Variants in CSNK1G1 observed in about 807,000 individuals in gnomAD.
CSNK1G1 encodes casein kinase 1 gamma 1, also known as casein kinase I isoform gamma-1.
In CSNK1G1, 22 loss-of-function variants were observed where a neutral mutation model predicts 59.6. That is an observed-to-expected ratio of 0.37 (90% confidence interval 0.26 to 0.53). The LOEUF is 0.53. CSNK1G1 is among the 20% of genes least tolerant of loss of function. The pLI is 0.89. For synonymous variants in CSNK1G1, 179 were observed against 177.1 expected, an observed-to-expected ratio of 1.01 and a Z score of -0.08; for missense variants, 384 against 519.5, an observed-to-expected ratio of 0.74 and a Z score of 2.54.
chr15:64,341,397 C>T (rs1897674374), intron 1 of CSNK1G1, among the ~76,000 whole-genome samples: 2 of 151,894 alleles, frequency 1.3e-5, no homozygotes, highest in African/African-American at 4.9e-5. Context: ...CTTGGCCTCC[C>T]AAAGTGCTGG....
chr15:64,173,619 C>CTTTTTTTTTTTTT (rs928192194), intron 11 of CSNK1G1, among the ~76,000 whole-genome samples: 17 of 108,536 alleles, frequency 1.6e-4, no homozygotes, highest in South Asian at 3.0e-4. Context: ...CTTTTCTTTT[C>CTTTTTTTTTTTTT]TTTTTTTTTT....
intron 1 of CSNK1G1, among the ~76,000 whole-genome samples, chr15:64,336,365 A>C (rs990522469): frequency 6.6e-6 from 1 of 152,164 alleles, no homozygotes; most frequent in Admixed American, 6.5e-5. Context: ...TTCCTTTCTT[A>C]TTTGTTTTAA....
At chr15:64,332,212 G>A (rs2140459106) in intron 1 of CSNK1G1, among the ~76,000 whole-genome samples, 1 of 103,936 alleles carries the variant, frequency 9.6e-6, no homozygotes, top group African/African-American at 3.6e-5. Flanking sequence ...CTGCTATAAA[G>A]ACACATGCAC....
At chr15:64,342,208 T>G (rs922923469) in intron 1 of CSNK1G1, among the ~76,000 whole-genome samples, 1 of 152,206 alleles carries the variant, frequency 6.6e-6, no homozygotes, top group Non-Finnish European at 1.5e-5. Context: ...TTCTTGAGCT[T>G]GACATCCTGG....
chr15:64,230,192 T>G (rs1243071155), intron 4 of CSNK1G1, among the ~76,000 whole-genome samples: 3 of 152,034 alleles, frequency 2.0e-5, no homozygotes, highest in Non-Finnish European at 4.4e-5. Context: ...TGAGCCACCA[T>G]GCCCTGCCCG....
chr15:64,300,303 A>C lies in CSNK1G1; in HGVS notation c.181+16T>G, dbSNP rs1566938740. 1.9e-6 allele frequency: 3 copies of C among 1,612,504 alleles called. No individual in the cohort carries two copies. The highest frequency in any genetic ancestry group is 2.5e-6 in the Non-Finnish European group (3 of 1,178,794). On this transcript the variant is annotated intron_variant, in intron 2 of 11. Coordinates refer to ENST00000303052, the MANE Select transcript of CSNK1G1 (RefSeq NM_022048.5). ...ATTGTTGTTAGTAGAAGTCACTGACATAACCAAGTGCTTACCTAATCTGAG... is the reference window on the plus strand; with the variant it reads ...ATTGTTGTTAGTAGAAGTCACTGACCTAACCAAGTGCTTACCTAATCTGAG...
intron 10 of CSNK1G1, among the ~76,000 whole-genome samples, chr15:64,194,517 C>CTTTTTTT (rs374224209): frequency 2.3e-5 from 3 of 128,326 alleles, no homozygotes; most frequent in African/African-American, 6.0e-5. Flanking sequence ...CTTTTCTTTT[C>CTTTTTTT]TTTTTTTTTT....
chr15:64,227,871 T>C (rs2082483222), intron 4 of CSNK1G1, among the ~76,000 whole-genome samples: 1 of 152,204 alleles, frequency 6.6e-6, no homozygotes, highest in African/African-American at 2.4e-5. Flanking sequence ...GCTGCCTACA[T>C]TCTCTTACTC....
chr15:64,190,910 CTT>C (rs1457739896), intron 10 of CSNK1G1, among the ~76,000 whole-genome samples: 2 of 152,018 alleles, frequency 1.3e-5, no homozygotes, highest in Non-Finnish European at 2.9e-5. Flanking sequence ...TATTTAAGCT[CTT>C]AAACTATTAT....
At chr15:64,215,247 C>T (rs1230392915) in intron 5 of CSNK1G1, among the ~76,000 whole-genome samples, 1 of 107,426 alleles carries the variant, frequency 9.3e-6, no homozygotes, top group African/African-American at 3.7e-5. Flanking sequence ...GAGTCTTGCT[C>T]TGTCGCCCAG....
In CSNK1G1 at chr15:64,169,879, C is replaced by T. The variant is rs527616657; in HGVS notation, c.*2052G>A. On this transcript the variant is annotated 3_prime_UTR_variant, in exon 12 of 12. Transcript: ENST00000303052. Reference sequence around the variant, plus strand: ...CAATGGAACAGATGAAGCCCAGTACCTCTGATCCATGTTAATGTTATTTCT... The same window carrying T: ...CAATGGAACAGATGAAGCCCAGTACTTCTGATCCATGTTAATGTTATTTCT... The T allele has an allele frequency of 6.6e-6, 1 of 152,292 alleles. No individual in the cohort carries two copies. The highest frequency in any genetic ancestry group is 1.9e-4 in the East Asian group (1 of 5,184). 9.4% of individuals were successfully genotyped at this position (152,292 alleles called of 1,614,324 possible).
intron 1 of CSNK1G1, among the ~76,000 whole-genome samples, chr15:64,352,849 G>A (rs1390552645): frequency 6.6e-6 from 1 of 151,960 alleles, no homozygotes; most frequent in Non-Finnish European, 1.5e-5. Flanking sequence ...AGCACTTTGG[G>A]AGGCCAAAGC....
rs535942664 is a variant in CSNK1G1, at chr15:64,314,834, A to G, written c.-224-14111T>C. ...ATTCCTTCTTTAAGGCTGAATATGT[A>G]TATGTGTGTGCGTGTGTGTGTACAT... On this transcript the variant is annotated intron_variant, in intron 1 of 11. Coordinates refer to ENST00000303052, the MANE Select transcript of CSNK1G1 (RefSeq NM_022048.5). Among the ~76,000 whole-genome samples, 267 of 152,282 alleles carry G rather than the reference A, an allele frequency of 1.8e-3. 1 individual carries two copies. Among genetic ancestry groups the G allele is most frequent in the Non-Finnish European group, 3.0e-3 (207 of 68,024 alleles).
chr15:64,303,722 C>T (rs1333594520), intron 1 of CSNK1G1, among the ~76,000 whole-genome samples: 2 of 150,078 alleles, frequency 1.3e-5, no homozygotes, highest in African/African-American at 4.9e-5. Context: ...TGCACTCCAG[C>T]CTGGGCGACA....
At chr15:64,292,142 G>A (rs898507932) in intron 2 of CSNK1G1, among the ~76,000 whole-genome samples, 15 of 151,740 alleles carry the variant, frequency 9.9e-5, no homozygotes, top group South Asian at 4.2e-4. Flanking sequence ...CCTGGGAGGC[G>A]GAGCTTGCAG....
At chr15:64,196,301 A>G (rs976129328) in intron 10 of CSNK1G1, among the ~76,000 whole-genome samples, 10 of 152,222 alleles carry the variant, frequency 6.6e-5, no homozygotes, top group African/African-American at 2.4e-4. Flanking sequence ...GTCCTTTAGG[A>G]ACCATATTTG....
chr15:64,314,588 T>A (rs968107795), intron 1 of CSNK1G1, among the ~76,000 whole-genome samples: 5 of 148,598 alleles, frequency 3.4e-5, no homozygotes, highest in Non-Finnish European at 7.4e-5. Flanking sequence ...AAAAAACATA[T>A]CCCTCAGCTG....
chr15:64,245,406 T>C (rs962037016), intron 4 of CSNK1G1, among the ~76,000 whole-genome samples: 6 of 152,028 alleles, frequency 3.9e-5, no homozygotes, highest in African/African-American at 7.2e-5. Flanking sequence ...AACAACTCAA[T>C]AGCAAAAAAT....
chr15:64,273,730 TAAAAAA>T (rs780466407), intron 2 of CSNK1G1, among the ~76,000 whole-genome samples: 1 of 108,976 alleles, frequency 9.2e-6, no homozygotes, highest in Admixed American at 9.8e-5. Flanking sequence ...GCTGATGAGC[TAAAAAA>T]AAAAAAAAAA....
Sources: gnomAD v4.1 joint callset for allele counts (sites outside exome capture counted in the v4.1 genomes callset) on GRCh38, gnomAD v4.1.1 for gene constraint, MANE v1.5 for transcripts, NCBI Gene and HGNC (gene_info 2026-07-23, HGNC 2026-07-21) for gene names.